Variants in DYM observed in about 807,000 individuals in gnomAD.
The protein encoded by DYM is dymeclin.
A neutral mutation model predicts 93.1 loss-of-function variants in DYM; 78 were observed. The observed-to-expected ratio is 0.84, with a 90% CI of 0.70 to 1.01. DYM has a LOEUF of 1.01. Ranked by LOEUF, DYM falls within the 50% of genes least tolerant of loss-of-function variation. DYM has a pLI of 0.00. For missense variants in DYM, 789 were observed against 845.0 expected (o/e 0.93, Z 0.82); for synonymous variants, 321 against 319.7 (o/e 1.00, Z -0.04).
At chr18:49,401,658 A>C (rs2070841991) in intron 2 of DYM, among the ~76,000 whole-genome samples, 1 of 152,126 alleles carries the variant, frequency 6.6e-6, no homozygotes, top group Non-Finnish European at 1.5e-5. Flanking sequence ...ACACACACAC[A>C]AAATCTGAAA....
At chr18:49,374,207 A>T (rs954329214) in intron 5 of DYM, among the ~76,000 whole-genome samples, 11 of 152,322 alleles carry the variant, frequency 7.2e-5, no homozygotes, top group African/African-American at 2.6e-4. Context: ...AGAAAAAAAT[A>T]AAGTATATAA....
Position 49,038,851 on chromosome 18 carries a change from T to A in DYM, c.*5204A>T, listed in dbSNP as rs575922296. On this transcript the variant is annotated 3_prime_UTR_variant, in exon 18 of 18. Transcript: ENST00000675505. ...TATCAAAGACTAATATTAAATGAATTTTTACTCTCTTCTTGGATGATGCCA... is the reference window on the plus strand; with the variant it reads ...TATCAAAGACTAATATTAAATGAATATTTACTCTCTTCTTGGATGATGCCA... Among the ~76,000 whole-genome samples, 3 of 152,332 alleles carry A rather than the reference T, an allele frequency of 2.0e-5. No homozygotes were observed. Among genetic ancestry groups the A allele is most frequent in the African/African-American group, 7.2e-5 (3 of 41,568 alleles).
chr18:49,136,603 C>T (rs565894681), intron 15 of DYM, among the ~76,000 whole-genome samples: 1 of 152,232 alleles, frequency 6.6e-6, no homozygotes, highest in South Asian at 2.1e-4. Context: ...GAGACAAATG[C>T]TTAATTTTAT....
At chr18:49,221,079 T>C (rs1032441867) in intron 13 of DYM, among the ~76,000 whole-genome samples, 1 of 151,840 alleles carries the variant, frequency 6.6e-6, no homozygotes, top group African/African-American at 2.4e-5. Context: ...AACAACCCCA[T>C]CAAAAAGTGG....
chr18:49,159,803 A>G (rs1027209443), intron 15 of DYM, among the ~76,000 whole-genome samples: 12 of 152,324 alleles, frequency 7.9e-5, no homozygotes, highest in African/African-American at 2.9e-4. Context: ...TTGGTTCCTT[A>G]TGGTTGCAAC....
At chr18:49,251,581 G>A in intron 13 of DYM, among the ~76,000 whole-genome samples, 1 of 152,176 alleles carries the variant, frequency 6.6e-6, no homozygotes, top group Admixed American at 6.5e-5. Context: ...TAGTGGGGTT[G>A]GTGCTCAGCC....
intron 8 of DYM, among the ~76,000 whole-genome samples, chr18:49,308,769 G>A (rs2061419985): frequency 6.6e-6 from 1 of 152,078 alleles, no homozygotes. Context: ...TGCTCACTGT[G>A]GGGTCTCTGG....
chr18:49,387,980 T>C (rs1201088281), intron 3 of DYM, among the ~76,000 whole-genome samples: 8 of 152,222 alleles, frequency 5.3e-5, no homozygotes, highest in Admixed American at 5.2e-4. Flanking sequence ...ACAGCTATTC[T>C]AAAATTAAAA....
chr18:49,151,486 A>G (rs944671924), intron 15 of DYM, among the ~76,000 whole-genome samples: 7 of 152,200 alleles, frequency 4.6e-5, no homozygotes, highest in Non-Finnish European at 1.0e-4. Context: ...TGTAGCTTTG[A>G]CTATAATCAA....
intron 16 of DYM, 119 bp from the exon 17 acceptor site, chr18:49,097,634 T>A: frequency 2.2e-6 from 2 of 912,280 alleles, no homozygotes; most frequent in Non-Finnish European, 3.5e-6. Flanking sequence ...ACCCGGCTTT[T>A]AATTCACTAG....
At chr18:49,415,564 A>G (rs1217954833) in intron 2 of DYM, among the ~76,000 whole-genome samples, 1 of 151,960 alleles carries the variant, frequency 6.6e-6, no homozygotes, top group African/African-American at 2.4e-5. Context: ...TATGAGCACC[A>G]TCTAGTGCTC....
At position 49,064,200 on chromosome 18, in the gene DYM, TAATCAGA is replaced by T. The variant is rs558519665; in HGVS notation, c.2026-20003_2026-19997del. 7.2e-5 allele frequency among the ~76,000 whole-genome samples: 11 copies of T among 152,340 alleles called. No individual in the cohort carries two copies. The East Asian group carries it at 1.9e-3, about 27-fold the overall frequency. Reference sequence around the variant, plus strand: ...CTAATCATGTACATTATACAAAATCTAATCAGAACAACTGCCATGCCTGGAAAAGTAG... The same window carrying T: ...CTAATCATGTACATTATACAAAATCTACAACTGCCATGCCTGGAAAAGTAG... On this transcript the variant is annotated intron_variant, in intron 17 of 17. Transcript: ENST00000675505.
chr18:49,312,255 G>C (rs368922263), intron 8 of DYM, among the ~76,000 whole-genome samples: 1 of 152,200 alleles, frequency 6.6e-6, no homozygotes, highest in Admixed American at 6.5e-5. Context: ...CTAAGCCAAA[G>C]AGAGTTTAAA....
intron 13 of DYM, among the ~76,000 whole-genome samples, chr18:49,230,464 A>G (rs1448238563): frequency 1.3e-5 from 2 of 152,138 alleles, no homozygotes; most frequent in Non-Finnish European, 2.9e-5. Context: ...AAGAACTACT[A>G]TCAGACATCT....
intron 6 of DYM, among the ~76,000 whole-genome samples, chr18:49,350,522 T>C (rs1282940913): frequency 6.6e-6 from 1 of 151,634 alleles, no homozygotes; most frequent in African/African-American, 2.4e-5. Context: ...CCTGGCCAAC[T>C]TGGTGAAACC....
At chr18:49,212,839 T>C (rs118081964) in intron 13 of DYM, among the ~76,000 whole-genome samples, 3,138 of 152,276 alleles carry the variant, frequency 0.021, 47 homozygotes, top group Non-Finnish European at 0.031. Flanking sequence ...ACTGATCTTT[T>C]TGATAAACTG....
chr18:49,446,817 G>A (rs754787797), intron 1 of DYM, among the ~76,000 whole-genome samples: 6 of 152,136 alleles, frequency 3.9e-5, no homozygotes, highest in Non-Finnish European at 5.9e-5. Context: ...CCAGCACTTC[G>A]GCAGGCCAAA....
At chr18:49,167,700 T>G (rs2088084604) in intron 14 of DYM, among the ~76,000 whole-genome samples, 1 of 152,186 alleles carries the variant, frequency 6.6e-6, no homozygotes, top group African/African-American at 2.4e-5. Context: ...ATATGATGTT[T>G]GTATGTAAAT....
chr18:49,163,871 T>G (rs2087517961), intron 14 of DYM, 84 bp from the exon 15 acceptor site: 1 of 843,936 alleles, frequency 1.2e-6, no homozygotes. Flanking sequence ...TTCCACAGCA[T>G]GTCAATTATT....
Sources: gnomAD v4.1 joint callset for allele counts (sites outside exome capture counted in the v4.1 genomes callset) on GRCh38, gnomAD v4.1.1 for gene constraint, MANE v1.5 for transcripts, NCBI Gene and HGNC (gene_info 2026-07-23, HGNC 2026-07-21) for gene names.